The following ZFAT variants were observed in gnomAD, a reference collection of about 807,000 sequenced individuals.
The protein encoded by ZFAT is zinc finger protein ZFAT.
A neutral mutation model predicts 117.7 loss-of-function variants in ZFAT; 64 were observed. The ratio of observed to expected loss-of-function variants is 0.54; its 90% CI spans 0.44 to 0.67. The LOEUF (loss-of-function observed/expected upper bound fraction) is 0.67, where lower values mean the gene tolerates loss of function less well. Among genes scored for constraint, ZFAT ranks in the 30% least tolerant of loss-of-function variants. The pLI is 0.00. For missense variants in ZFAT, 1,433 were observed against 1,584.5 expected (o/e 0.90, Z 1.62); for synonymous variants, 679 against 615.0 (o/e 1.10, Z -1.54).
intron 11 of ZFAT, among the ~76,000 whole-genome samples, chr8:134,552,806 C>A (rs1327691041): frequency 6.6e-6 from 1 of 152,250 alleles, no homozygotes; most frequent in Non-Finnish European, 1.5e-5. Context: ...TGAAGTCACA[C>A]TGAAGAATCT....
the ZFAT span, among the ~76,000 whole-genome samples, chr8:134,750,136 T>C: frequency 6.6e-6 from 1 of 152,210 alleles, no homozygotes; most frequent in Non-Finnish European, 1.5e-5. Flanking sequence ...CTCCTTTATT[T>C]GGATATTTTA....
intron 9 of ZFAT, among the ~76,000 whole-genome samples, chr8:134,586,292 ACTT>A: frequency 6.6e-6 from 1 of 152,230 alleles, no homozygotes; most frequent in Non-Finnish European, 1.5e-5. Flanking sequence ...ACAAGTCTTT[ACTT>A]AACACAACAG....
At position 134,569,103 on chromosome 8, in the gene ZFAT, G is replaced by T. The variant is rs142285691; in HGVS notation, c.2888-3682C>A. On this transcript the variant is annotated intron_variant, in intron 10 of 15. Transcript: ENST00000377838. ...TTTTCCCTAAAATATACCTGGCTAG[G>T]TCTACTCACTGGACTACTAGGCATC... 7.5e-3 allele frequency among the ~76,000 whole-genome samples: 1,142 copies of T among 152,142 alleles called. 16 individuals are homozygous for T. Among genetic ancestry groups the T allele is most frequent in the African/African-American group, 0.025 (1,046 of 41,488 alleles).
intron 5 of ZFAT, 64 bp from the exon 6 acceptor site, chr8:134,602,997 C>T (rs1444156068): frequency 1.2e-5 from 18 of 1,538,332 alleles, no homozygotes; most frequent in Admixed American, 4.1e-5. Context: ...AACTCTACAT[C>T]CTTTTCATGA....
intron 5 of ZFAT, 136 bp downstream of exon 5, chr8:134,608,593 T>C: frequency 9.3e-7 from 1 of 1,078,240 alleles, no homozygotes; most frequent in Non-Finnish European, 1.3e-6. Flanking sequence ...TACTGCTGAA[T>C]CAAGGAGTCA....
the ZFAT span, among the ~76,000 whole-genome samples, chr8:134,750,468 C>T: frequency 1.3e-5 from 2 of 152,082 alleles, no homozygotes; most frequent in Non-Finnish European, 2.9e-5. Context: ...ACTGGATAGG[C>T]CCTCCAGTAC....
At chr8:134,761,982 A>ATGTGTGTG in the ZFAT span, among the ~76,000 whole-genome samples, 43,486 of 147,048 alleles carry the variant, frequency 0.3, 6,347 homozygotes, top group Admixed American at 0.35. Flanking sequence ...TTCTCTCTGT[A>ATGTGTGTG]TGTGTGTGTG....
chr8:134,547,291 C>T (rs6988000), intron 11 of ZFAT, among the ~76,000 whole-genome samples: 33,412 of 152,144 alleles, frequency 0.22, 3,841 homozygotes, highest in East Asian at 0.33. Flanking sequence ...CTCCTGCTAA[C>T]GGATCAGATG....
At chr8:134,490,168 C>A (rs1336244632) in intron 15 of ZFAT, among the ~76,000 whole-genome samples, 1 of 152,200 alleles carries the variant, frequency 6.6e-6, no homozygotes, top group African/African-American at 2.4e-5. Flanking sequence ...CAGTTTACCA[C>A]CTAATGCCAC....
At chr8:134,497,873 T>A (rs368289220) in intron 15 of ZFAT, among the ~76,000 whole-genome samples, 414 of 108,440 alleles carry the variant, frequency 3.8e-3, no homozygotes, top group South Asian at 9.1e-3. Flanking sequence ...ATGCCCCAGC[T>A]GCTGGTTACA....
At chr8:134,624,401 A>G (rs564646339) in intron 3 of ZFAT, among the ~76,000 whole-genome samples, 2 of 151,608 alleles carry the variant, frequency 1.3e-5, no homozygotes, top group South Asian at 4.2e-4. Flanking sequence ...CACACCTGTA[A>G]TCCCAGCACT....
intron 1 of ZFAT, among the ~76,000 whole-genome samples, chr8:134,668,222 C>A (rs1364666930): frequency 6.6e-6 from 1 of 152,224 alleles, no homozygotes; most frequent in Non-Finnish European, 1.5e-5. Flanking sequence ...CCTCTGCAGA[C>A]TTAAAAATGT....
intron 12 of ZFAT, among the ~76,000 whole-genome samples, chr8:134,528,527 C>T (rs1475681156): frequency 6.6e-6 from 1 of 152,206 alleles, no homozygotes; most frequent in Non-Finnish European, 1.5e-5. Flanking sequence ...CACAAATATA[C>T]ATCCAAGGTA....
chr8:134,492,041 T>C (rs970561740), intron 15 of ZFAT, among the ~76,000 whole-genome samples: 2 of 152,046 alleles, frequency 1.3e-5, no homozygotes, highest in Admixed American at 1.3e-4. Flanking sequence ...GTTTTTTTTT[T>C]CAGTCATGCA....
At chr8:134,777,530 CT>C in the ZFAT span, among the ~76,000 whole-genome samples, 192 of 152,186 alleles carry the variant, frequency 1.3e-3, no homozygotes, top group Non-Finnish European at 2.1e-3. Flanking sequence ...TGGAGGTAGC[CT>C]TTTAGGGTAA....
At chr8:134,753,105 G>A in the ZFAT span, among the ~76,000 whole-genome samples, 1 of 152,162 alleles carries the variant, frequency 6.6e-6, no homozygotes, top group Non-Finnish European at 1.5e-5. Context: ...GGAGGCTGAG[G>A]TGGGAGGATC....
the ZFAT span, chr8:134,785,539 T>C: frequency 6.6e-6 from 1 of 152,068 alleles, no homozygotes; most frequent in Non-Finnish European, 1.5e-5. Flanking sequence ...TCTACCAGTT[T>C]TTAAAAATAT....
At chr8:134,751,314 C>T in the ZFAT span, among the ~76,000 whole-genome samples, 1 of 152,284 alleles carries the variant, frequency 6.6e-6, no homozygotes, top group Non-Finnish European at 1.5e-5. Flanking sequence ...AGACCAAGTG[C>T]TGGGGAATCC....
chr8:134,687,807 T>C (rs1270605113), intron 1 of ZFAT, among the ~76,000 whole-genome samples: 2 of 152,172 alleles, frequency 1.3e-5, no homozygotes, highest in Admixed American at 1.3e-4. Flanking sequence ...TGGGGAGAAA[T>C]AGCAATGCCC....
Sources: gnomAD v4.1 joint callset for allele counts (sites outside exome capture counted in the v4.1 genomes callset) on GRCh38, gnomAD v4.1.1 for gene constraint, MANE v1.5 for transcripts, NCBI Gene and HGNC (gene_info 2026-07-23, HGNC 2026-07-21) for gene names.